Variants in TLL2 observed in about 807,000 individuals in gnomAD.
TLL2 encodes the protein tolloid like 2, also known as tolloid-like protein 2.
A neutral mutation model predicts 123.0 loss-of-function variants in TLL2; 106 were observed. The observed-to-expected ratio is 0.86, with a 90% CI of 0.74 to 1.01. The LOEUF is 1.01. TLL2 is among the 50% of genes least tolerant of loss of function. TLL2 has a pLI of 0.00. For synonymous variants in TLL2, 494 were observed against 516.8 expected (o/e 0.96, Z 0.60); for missense variants, 1,332 against 1,336.7 (o/e 1.00, Z 0.06).
intron 1 of TLL2, 80 bp downstream of exon 1, chr10:96,513,431 C>T: frequency 1.9e-6 from 3 of 1,571,742 alleles, no homozygotes; most frequent in East Asian, 2.3e-5. Context: ...GCCCCATAGA[C>T]GGTAGTGCAG....
chr10:96,474,527 T>C (rs1425321859), intron 2 of TLL2, among the ~76,000 whole-genome samples: 3 of 151,992 alleles, frequency 2.0e-5, no homozygotes, highest in Non-Finnish European at 4.4e-5. Context: ...ACAGAGGCTG[T>C]AAGGAAGGAA....
At position 96,428,679 on chromosome 10, in the gene TLL2, T is replaced by G; in HGVS notation, c.590A>C (p.Glu197Ala). The G allele has an allele frequency of 1.2e-6, 2 of 1,614,128 alleles. No homozygotes were observed. Among genetic ancestry groups the G allele is most frequent in the Non-Finnish European group, 8.5e-7 (1 of 1,179,974 alleles). Reference sequence around the variant, plus strand: ...AATAAAGCTTTCCTCATCCGTCCTTTCTATGAAGGTCACACAGGTGTGCTT... The same window carrying G: ...AATAAAGCTTTCCTCATCCGTCCTTGCTATGAAGGTCACACAGGTGTGCTT... ...WEKHTCVTFI[E>A]RTDEESFIVF... is the part of the protein sequence containing the mutation. The change falls in exon 5 of 21, where the codon GAA becomes GCA. Residue 197 changes from glutamate (E) to alanine (A), a missense_variant. Coordinates refer to ENST00000357947, the MANE Select transcript of TLL2 (RefSeq NM_012465.4).
At chr10:96,385,532 G>T (rs1038928968) in intron 15 of TLL2, among the ~76,000 whole-genome samples, 2 of 152,138 alleles carry the variant, frequency 1.3e-5, no homozygotes, top group African/African-American at 4.8e-5. Flanking sequence ...CTGGGGTGGG[G>T]AGGGGAGTCT....
chr10:96,410,380 G>A lies in TLL2; in HGVS notation c.1143C>T (p.Ile381=), dbSNP rs370560660. 3 of 1,613,410 alleles carry A rather than the reference G, an allele frequency of 1.9e-6. No homozygotes were observed. In the African/African-American group the frequency reaches 4.0e-5, roughly 22 times the overall value. The stretch of plus-strand genomic sequence containing the variant: ...CTACCTTTTCCCCTGGGGTGACCGA[G>A]ATCCTCCAGACGCAGTGGGAGTAAG... ...YPSYSHCVWR[I]SVTPGEKIVL... The change falls in exon 9 of 21, where the codon ATC becomes ATT. Residue 381 remains isoleucine (I), a synonymous_variant. Coordinates refer to ENST00000357947, the MANE Select transcript of TLL2 (RefSeq NM_012465.4).
intron 18 of TLL2, among the ~76,000 whole-genome samples, 192 bp downstream of exon 18, chr10:96,376,500 C>G (rs543033756): frequency 1.3e-5 from 2 of 152,238 alleles, no homozygotes; most frequent in Non-Finnish European, 2.9e-5. Context: ...TGCGTTGTCT[C>G]TTTTAATCTG....
chr10:96,474,409 A>G (rs984127873), intron 2 of TLL2, among the ~76,000 whole-genome samples: 6 of 152,236 alleles, frequency 3.9e-5, no homozygotes, highest in Non-Finnish European at 5.9e-5. Flanking sequence ...TCACAAATGC[A>G]GCTGGGTAGA....
chr10:96,418,335 G>C (rs141187798), intron 7 of TLL2, among the ~76,000 whole-genome samples: 1 of 152,320 alleles, frequency 6.6e-6, no homozygotes, highest in Non-Finnish European at 1.5e-5. Context: ...TGCCTGGCAC[G>C]GAGCAGGCGG....
At chr10:96,417,815 A>G (rs1846578489) in intron 7 of TLL2, among the ~76,000 whole-genome samples, 1 of 152,212 alleles carries the variant, frequency 6.6e-6, no homozygotes, top group Non-Finnish European at 1.5e-5. Context: ...AGCCCAATCA[A>G]TCTGTCAGAT....
chr10:96,382,366 G>T (rs1349317967), intron 16 of TLL2, among the ~76,000 whole-genome samples: 1 of 152,234 alleles, frequency 6.6e-6, no homozygotes, highest in Non-Finnish European at 1.5e-5. Flanking sequence ...CCTTAAATTA[G>T]TGTGGGCCCT....
intron 2 of TLL2, among the ~76,000 whole-genome samples, chr10:96,478,959 TA>T (rs1847285142): frequency 6.6e-6 from 1 of 152,182 alleles, no homozygotes; most frequent in Admixed American, 6.5e-5. Context: ...AAAAAAGTTT[TA>T]AAACTATTTT....
rs1554939631 is a variant in TLL2, at chr10:96,476,241, T to TATATATATATATATTC, written c.286+4107_286+4108insGAATATATATATATAT. Among the ~76,000 whole-genome samples, 189 of 72,130 alleles carry TATATATATATATATTC rather than the reference T, an allele frequency of 2.6e-3. 10 individuals are homozygous for TATATATATATATATTC. Among genetic ancestry groups the TATATATATATATATTC allele is most frequent in the East Asian group, 0.01 (15 of 1,472 alleles). 47.3% of individuals were successfully genotyped at this position (72,130 alleles called of 152,430 possible). A position where few individuals can be genotyped will look rare whatever the true frequency, so the allele number is the denominator to read the frequency against. The stretch of plus-strand genomic sequence containing the variant: ...TTATATGTATATATATATATATATA[T>TATATATATATATATTC]TTTATTTTTGTTGTTGTTGTTGTTG... On this transcript the variant is annotated intron_variant, in intron 2 of 20. Coordinates refer to ENST00000357947, the MANE Select transcript of TLL2 (RefSeq NM_012465.4).
At chr10:96,429,984 T>C (rs1846721013) in intron 4 of TLL2, among the ~76,000 whole-genome samples, 1 of 152,126 alleles carries the variant, frequency 6.6e-6, no homozygotes, top group Non-Finnish European at 1.5e-5. Flanking sequence ...TAGGAAAAAA[T>C]AGTTGTCTGG....
intron 2 of TLL2, among the ~76,000 whole-genome samples, chr10:96,449,664 G>A (rs1167232430): frequency 6.6e-6 from 1 of 151,966 alleles, no homozygotes; most frequent in South Asian, 2.1e-4. Flanking sequence ...CACCACTGAT[G>A]AGACCCTTAG....
intron 10 of TLL2, among the ~76,000 whole-genome samples, chr10:96,403,523 C>T (rs929534412): frequency 5.3e-5 from 8 of 152,146 alleles, no homozygotes; most frequent in African/African-American, 9.7e-5. Flanking sequence ...AAAATGTTTA[C>T]AAGCAGTATA....
intron 6 of TLL2, 77 bp downstream of exon 6, chr10:96,422,472 C>A: frequency 6.4e-7 from 1 of 1,551,150 alleles, no homozygotes; most frequent in East Asian, 2.3e-5. Context: ...AGCAAGTCCC[C>A]TCCTTCCCTC....
chr10:96,421,701 G>A (rs1019998447), intron 6 of TLL2, among the ~76,000 whole-genome samples: 1 of 151,534 alleles, frequency 6.6e-6, no homozygotes, highest in South Asian at 2.1e-4. Context: ...GCTGGGCGTG[G>A]TGGTGGGTGC....
intron 10 of TLL2, among the ~76,000 whole-genome samples, chr10:96,404,941 T>C (rs1846435198): frequency 6.6e-6 from 1 of 152,216 alleles, no homozygotes; most frequent in Non-Finnish European, 1.5e-5. Context: ...ACATTTAAAT[T>C]GCTTGCAATT....
intron 3 of TLL2, 63 bp downstream of exon 3, chr10:96,446,028 G>A (rs778671091): frequency 4.3e-5 from 65 of 1,499,128 alleles, no homozygotes; most frequent in Non-Finnish European, 5.6e-5. Flanking sequence ...CTTATGTCAC[G>A]TGTATTTTTC....
At chr10:96,473,046 C>T (rs912720207) in intron 2 of TLL2, among the ~76,000 whole-genome samples, 2 of 142,510 alleles carry the variant, frequency 1.4e-5, no homozygotes, top group Admixed American at 1.4e-4. Flanking sequence ...GTGGTTCCAT[C>T]AGCCCCCCCC....
Sources: allele counts gnomAD v4.1 joint callset (sites outside exome capture counted in the v4.1 genomes callset), GRCh38; gene constraint gnomAD v4.1.1; transcripts MANE v1.5; gene names NCBI Gene and HGNC (gene_info 2026-07-23, HGNC 2026-07-21).